MAST4: variants seen among roughly 807,000 people sequenced by gnomAD.
MAST4 encodes the protein microtubule associated serine/threonine kinase family member 4.
In MAST4, 89 loss-of-function variants were observed where a neutral mutation model predicts 162.7. The ratio of observed to expected loss-of-function variants is 0.55; its 90% CI spans 0.46 to 0.65. The LOEUF (loss-of-function observed/expected upper bound fraction) is 0.65, where lower values mean the gene tolerates loss of function less well. Among genes scored for constraint, MAST4 ranks in the 30% least tolerant of loss-of-function variants. The pLI is 0.00. For missense variants in MAST4, 3,153 were observed against 3,374.0 expected, an observed-to-expected ratio of 0.93 and a Z score of 1.62; for synonymous variants, 1,479 against 1,361.1, an observed-to-expected ratio of 1.09 and a Z score of -1.91.
At chr5:66,944,928 T>G (rs1293112195) in intron 4 of MAST4, among the ~76,000 whole-genome samples, 4 of 152,142 alleles carry the variant, frequency 2.6e-5, no homozygotes, top group African/African-American at 9.7e-5. Context: ...CTTTTTGATT[T>G]AGTCAAAGAT....
intron 2 of MAST4, among the ~76,000 whole-genome samples, chr5:66,762,722 A>G (rs771507541): frequency 2.0e-5 from 3 of 152,240 alleles, no homozygotes; most frequent in Non-Finnish European, 4.4e-5. Context: ...CCCATGCCTG[A>G]TCTAATCTGT....
intron 15 of MAST4, among the ~76,000 whole-genome samples, chr5:67,131,240 T>C (rs1379048091): frequency 5.3e-5 from 8 of 152,180 alleles, no homozygotes; most frequent in African/African-American, 1.9e-4. Context: ...ATATTTTGCT[T>C]TTTTAACCTT....
intron 4 of MAST4, among the ~76,000 whole-genome samples, chr5:66,990,264 C>A (rs1224810633): frequency 6.6e-6 from 1 of 152,086 alleles, no homozygotes; most frequent in Non-Finnish European, 1.5e-5. Context: ...TCCCATTTTA[C>A]AGAATAGGAA....
chr5:66,740,217 A>C (rs1407730990), intron 1 of MAST4, among the ~76,000 whole-genome samples: 1 of 152,190 alleles, frequency 6.6e-6, no homozygotes, highest in Non-Finnish European at 1.5e-5. Context: ...TAAACTCTTA[A>C]AAGAGACAGC....
At chr5:66,638,370 A>G (rs1234674598) in intron 1 of MAST4, among the ~76,000 whole-genome samples, 2 of 152,304 alleles carry the variant, frequency 1.3e-5, no homozygotes, top group East Asian at 3.9e-4. Flanking sequence ...TAAGTAAGTC[A>G]ATGATAAAAT....
chr5:66,803,438 T>G (rs1756019938), intron 3 of MAST4, among the ~76,000 whole-genome samples: 1 of 152,188 alleles, frequency 6.6e-6, no homozygotes, highest in Non-Finnish European at 1.5e-5. Context: ...TGATTAAAAT[T>G]ACATTAAATG....
At chr5:66,839,392 A>G (rs867864958) in intron 3 of MAST4, among the ~76,000 whole-genome samples, 1 of 152,326 alleles carries the variant, frequency 6.6e-6, no homozygotes, top group Middle Eastern at 3.4e-3. Flanking sequence ...TAATTGAACT[A>G]GACTGTGAAT....
At chr5:66,719,043 C>T (rs1751035022) in intron 1 of MAST4, among the ~76,000 whole-genome samples, 1 of 152,148 alleles carries the variant, frequency 6.6e-6, no homozygotes, top group Admixed American at 6.5e-5. Context: ...AGAGGAGAAG[C>T]GGCAGGTATT....
intron 1 of MAST4, among the ~76,000 whole-genome samples, chr5:66,614,743 C>T (rs184868111): frequency 3.9e-4 from 59 of 152,292 alleles, no homozygotes; most frequent in Admixed American, 1.0e-3. Context: ...CACCTCCCAA[C>T]GTGATGGGGC....
intron 2 of MAST4, among the ~76,000 whole-genome samples, chr5:66,783,829 G>T (rs551212832): frequency 1.3e-5 from 2 of 152,230 alleles, no homozygotes; most frequent in South Asian, 4.2e-4. Context: ...CTCAGAGTGT[G>T]GGGAGAGAAA....
intron 1 of MAST4, among the ~76,000 whole-genome samples, chr5:66,755,191 GTGT>G (rs1226539042): frequency 6.6e-6 from 1 of 152,204 alleles, no homozygotes; most frequent in Non-Finnish European, 1.5e-5. Flanking sequence ...GTGATCTTGG[GTGT>G]ATTTTGGAAG....
rs531816900 is a variant in MAST4 at position 66,657,870 on chromosome 5, A to T, written c.363+60852A>T. On this transcript the variant is annotated intron_variant, in intron 1 of 28. Coordinates refer to ENST00000403625, the MANE Select transcript of MAST4 (RefSeq NM_001164664.2). ...GGACCCCACCCATACAGGTTGGGAG[A>T]CAGCAAAGCAGAAAATAAATGAGGA... is the stretch of plus-strand genomic sequence containing the variant. Among the ~76,000 whole-genome samples the T allele has an allele frequency of 3.3e-5, 5 of 152,356 alleles. No individual in the cohort carries two copies. The East Asian group carries it at 9.6e-4, about 29-fold the overall frequency.
At chr5:66,716,023 C>T (rs1750816129) in intron 1 of MAST4, among the ~76,000 whole-genome samples, 1 of 151,848 alleles carries the variant, frequency 6.6e-6, no homozygotes, top group Admixed American at 6.6e-5. Flanking sequence ...ATTTTCATAA[C>T]TATTTTTGTT....
intron 1 of MAST4, among the ~76,000 whole-genome samples, chr5:66,742,770 G>A (rs1752545820): frequency 6.6e-6 from 1 of 152,094 alleles, no homozygotes; most frequent in Admixed American, 6.5e-5. Flanking sequence ...TCTGGCAAGC[G>A]GAGGTGTCAG....
At chr5:67,112,685 G>A (rs986818673) in intron 11 of MAST4, among the ~76,000 whole-genome samples, 4 of 152,160 alleles carry the variant, frequency 2.6e-5, no homozygotes, top group African/African-American at 9.7e-5. Context: ...AAAGCTCCCT[G>A]GCTGCACTGC....
rs906717142 is a variant in MAST4, at chr5:67,055,010, T to G, written c.763+518T>G. ...CAATGAAAACTGCTTTATATGCTGG[T>G]TTTTTTTTTTTTCTTCAAAGTTCTA... On this transcript the variant is annotated intron_variant, in intron 5 of 28. Transcript: ENST00000403625. Among the ~76,000 whole-genome samples the G allele has an allele frequency of 6.8e-5, 9 of 131,990 alleles. 1 individual carries two copies. Among genetic ancestry groups the G allele is most frequent in the Admixed American group, 3.0e-4 (4 of 13,498 alleles). The allele number at this position is 131,990 out of a possible 152,430, so 86.6% of individuals were successfully genotyped here.
chr5:67,165,196 C>T lies in MAST4; in HGVS notation c.6017C>T (p.Ala2006Val), dbSNP rs761414730. 5.0e-6 allele frequency: 8 copies of T among 1,609,054 alleles called. No individual in the cohort carries two copies. Among genetic ancestry groups the T allele is most frequent in the Admixed American group, 1.7e-5 (1 of 59,176 alleles). The change falls in exon 29 of 29, where the codon GCG becomes GTG. Residue 2006 changes from alanine to valine, a missense_variant. Coordinates refer to ENST00000403625, the MANE Select transcript of MAST4 (RefSeq NM_001164664.2). ...PSMELCFPET[A>V]KTSDNSKNLL... The stretch of plus-strand genomic sequence containing the variant: ...ATGGAACTGTGCTTTCCAGAAACTG[C>T]GAAAACCAGTGACAACTCCAAAAAT...
chr5:66,830,585 G>GA (rs1251801313), intron 3 of MAST4, among the ~76,000 whole-genome samples: 2 of 152,126 alleles, frequency 1.3e-5, no homozygotes, highest in African/African-American at 4.8e-5. Flanking sequence ...TTCATGCTGT[G>GA]AAAAATAACA....
At chr5:67,010,222 G>A (rs993447749) in intron 4 of MAST4, among the ~76,000 whole-genome samples, 33 of 152,176 alleles carry the variant, frequency 2.2e-4, no homozygotes, top group Admixed American at 4.6e-4. Flanking sequence ...AGATAGATGA[G>A]TACTTAGGCC....
Sources: allele counts gnomAD v4.1 joint callset (sites outside exome capture counted in the v4.1 genomes callset), GRCh38; gene constraint gnomAD v4.1.1; transcripts MANE v1.5; gene names NCBI Gene and HGNC (gene_info 2026-07-23, HGNC 2026-07-21).